Variants in PCDH11Y observed in about 807,000 individuals in gnomAD.
The protein encoded by PCDH11Y is protocadherin 11 Y-linked.
For synonymous variants in PCDH11Y, 9 were observed against 83.6 expected (o/e 0.11, Z 4.87); for missense variants, 12 against 224.8 (o/e 0.05, Z 6.05).
At chrY:5,002,099 A>T (rs2124616852) in intron 1 of PCDH11Y, among the ~76,000 whole-genome samples, 1 of 34,271 alleles carries the variant, frequency 2.9e-5, no homozygotes, top group South Asian at 6.3e-4. Flanking sequence ...AACAAAATAA[A>T]AATTTTTAAA....
chrY:5,215,342 A>C, intron 2 of PCDH11Y, among the ~76,000 whole-genome samples: 2 of 31,501 alleles, frequency 6.3e-5, no homozygotes, highest in Non-Finnish European at 1.5e-4. Context: ...TATCTGTTGT[A>C]GGGAATGGCA....
intron 2 of PCDH11Y, among the ~76,000 whole-genome samples, chrY:5,491,011 G>C: frequency 2.9e-5 from 1 of 34,117 alleles, no homozygotes; most frequent in Non-Finnish European, 7.3e-5. Context: ...GGGAAGCAGA[G>C]GGGGTGCTGA....
intron 2 of PCDH11Y, among the ~76,000 whole-genome samples, chrY:5,412,339 C>T (rs2053248142): frequency 3.0e-5 from 1 of 33,117 alleles, no homozygotes. Flanking sequence ...TTGACAGACA[C>T]TATGGAGTTT....
upstream of PCDH11Y, among the ~76,000 whole-genome samples, chrY:5,054,358 G>T (rs2052657736): frequency 1.6e-4 from 3 of 19,249 alleles, no homozygotes; most frequent in African/African-American, 6.3e-4. Context: ...GGGGTTTGTT[G>T]TACAGATTAT....
chrY:5,461,274 A>G (rs2053302965), intron 2 of PCDH11Y, among the ~76,000 whole-genome samples: 2 of 33,536 alleles, frequency 6.0e-5, no homozygotes, highest in Non-Finnish European at 1.5e-4. Flanking sequence ...AATTATTTGC[A>G]TATGTAGACA....
At chrY:5,622,964 T>C in intron 4 of PCDH11Y, 1 of 106,322 alleles carries the variant, frequency 9.4e-6, no homozygotes, top group Non-Finnish European at 2.0e-5. Flanking sequence ...ACCTGGGTGA[T>C]GGGATAATCT....
intron 3 of PCDH11Y, among the ~76,000 whole-genome samples, chrY:5,560,356 A>T: frequency 6.0e-5 from 2 of 33,518 alleles, no homozygotes; most frequent in Non-Finnish European, 1.5e-4. Context: ...GGAGAAATGA[A>T]AGCCAATTGT....
intron 4 of PCDH11Y, among the ~76,000 whole-genome samples, chrY:5,635,927 C>T: frequency 2.9e-5 from 1 of 34,071 alleles, no homozygotes; most frequent in Non-Finnish European, 7.3e-5. Flanking sequence ...TTAATTTCCT[C>T]CTGTGTTAGA....
intron 2 of PCDH11Y, among the ~76,000 whole-genome samples, chrY:5,244,616 C>A (rs1602892646): frequency 2.9e-5 from 1 of 33,942 alleles, no homozygotes. Context: ...CTGAACTGTG[C>A]AACCCATGAA....
chrY:5,616,532 G>T (rs2053493875), intron 4 of PCDH11Y, among the ~76,000 whole-genome samples: 1 of 33,137 alleles, frequency 3.0e-5, no homozygotes, highest in Non-Finnish European at 7.4e-5. Context: ...AATCAAGAAA[G>T]GTCTTAAAGG....
Position 5,532,179 on chromosome Y carries a change from G to GT in PCDH11Y, c.3328+30934dup, listed in dbSNP as rs2053394134. On this transcript the variant is annotated intron_variant, in intron 3 of 4. Coordinates refer to the PCDH11Y transcript ENST00000400457. ...TGTTTTCTCTCTCCAGTTGTATTGG[G>GT]TTTTTTTTTTCATGTATTTCAAAGC... is the stretch of plus-strand genomic sequence containing the variant. Among the ~76,000 whole-genome samples the GT allele has an allele frequency of 1.1e-3, 30 of 27,790 alleles. No homozygotes were observed. In the South Asian group the frequency reaches 0.012, roughly 11 times the overall value. The allele number at this position is 27,790 out of a possible 37,273, so 74.6% of individuals were successfully genotyped here.
At chrY:5,492,869 A>C in intron 2 of PCDH11Y, among the ~76,000 whole-genome samples, 1 of 33,246 alleles carries the variant, frequency 3.0e-5, no homozygotes, top group African/African-American at 1.2e-4. Flanking sequence ...AATTTCCAGG[A>C]AGTGACACAT....
At chrY:5,496,990 G>A in intron 2 of PCDH11Y, among the ~76,000 whole-genome samples, 1 of 33,232 alleles carries the variant, frequency 3.0e-5, no homozygotes, top group Non-Finnish European at 7.4e-5. Context: ...CTCTTTTATG[G>A]CTGCATAGTA....
At chrY:5,617,279 A>T in intron 4 of PCDH11Y, among the ~76,000 whole-genome samples, 1 of 33,442 alleles carries the variant, frequency 3.0e-5, no homozygotes, top group African/African-American at 1.2e-4. Flanking sequence ...TTTGGTAAAG[A>T]CACACTCTCT....
chrY:5,235,362 G>A (rs2052973818), intron 2 of PCDH11Y, among the ~76,000 whole-genome samples: 1 of 31,149 alleles, frequency 3.2e-5, no homozygotes, highest in Non-Finnish European at 7.7e-5. Flanking sequence ...AAATGATCCC[G>A]TCACCCAAGT....
rs2124652947 is a variant in PCDH11Y at position 5,224,831 on chromosome Y, C to T, written c.3129+124124C>T. ...AATTCCTTTGTTCCATTTTCACATA[C>T]GGATTTGCCAAGGTGCCACTGGACT... On this transcript the variant is annotated intron_variant, in intron 2 of 4. Transcript: ENST00000400457. 1.2e-4 allele frequency among the ~76,000 whole-genome samples: 4 copies of T among 33,315 alleles called. No individual in the cohort carries two copies. The South Asian group carries it at 2.7e-3, about 22-fold the overall frequency. The allele number at this position is 33,315 out of a possible 37,273, so 89.4% of individuals were successfully genotyped here.
intron 2 of PCDH11Y, among the ~76,000 whole-genome samples, chrY:5,273,842 T>C (rs2053040635): frequency 2.9e-5 from 1 of 33,958 alleles, no homozygotes; most frequent in Non-Finnish European, 7.3e-5. Flanking sequence ...TTTCAAGGTA[T>C]GCAAGGAAAT....
At chrY:5,555,494 C>A in intron 3 of PCDH11Y, among the ~76,000 whole-genome samples, 2 of 32,629 alleles carry the variant, frequency 6.1e-5, no homozygotes, top group Non-Finnish European at 1.5e-4. Flanking sequence ...CAAATCTCAT[C>A]TTGAGTTTCC....
At chrY:5,384,530 A>G in intron 2 of PCDH11Y, among the ~76,000 whole-genome samples, 1 of 31,498 alleles carries the variant, frequency 3.2e-5, no homozygotes, top group Admixed American at 3.0e-4. Context: ...GTTTTAGAGT[A>G]TAAAGGGAAA....
Sources: gnomAD v4.1 joint callset for allele counts (sites outside exome capture counted in the v4.1 genomes callset) on GRCh38, gnomAD v4.1.1 for gene constraint, MANE v1.5 for transcripts, NCBI Gene and HGNC (gene_info 2026-07-23, HGNC 2026-07-21) for gene names.